CYYR1: variants seen among roughly 807,000 people sequenced by gnomAD.
CYYR1 encodes the protein cysteine and tyrosine-rich protein 1.
In CYYR1, 14 loss-of-function variants were observed where a neutral mutation model predicts 15.2. The ratio of observed to expected loss-of-function variants is 0.92; its 90% confidence interval spans 0.61 to 1.44. The LOEUF is 1.44. CYYR1 is among the 40% of genes most tolerant of loss of function. CYYR1 has a pLI of 0.00. For synonymous variants in CYYR1, 80 were observed against 77.4 expected (o/e 1.03, Z -0.18); for missense variants, 228 against 209.5 (o/e 1.09, Z -0.54).
chr21:26,545,766 G>C (rs528287383), intron 2 of CYYR1, among the ~76,000 whole-genome samples: 10 of 151,662 alleles, frequency 6.6e-5, no homozygotes, highest in African/African-American at 2.4e-4. Flanking sequence ...TATTTTTTTA[G>C]TAGAGATGGG....
intron 2 of CYYR1, among the ~76,000 whole-genome samples, chr21:26,489,284 G>A (rs1484631524): frequency 1.3e-5 from 2 of 152,142 alleles, no homozygotes; most frequent in Non-Finnish European, 2.9e-5. Context: ...TCTTGAATAT[G>A]TTGTAGATTG....
chr21:26,536,018 G>A (rs927959669), intron 2 of CYYR1, among the ~76,000 whole-genome samples: 1 of 152,188 alleles, frequency 6.6e-6, no homozygotes, highest in Non-Finnish European at 1.5e-5. Flanking sequence ...TGTACAAGAA[G>A]CATGGCTGGG....
intron 2 of CYYR1, among the ~76,000 whole-genome samples, chr21:26,501,563 A>G (rs1435001592): frequency 1.3e-5 from 2 of 152,220 alleles, no homozygotes; most frequent in South Asian, 4.1e-4. Flanking sequence ...TGGTAAACAC[A>G]AAAGACTCAG....
intron 2 of CYYR1, among the ~76,000 whole-genome samples, chr21:26,495,358 C>T (rs1185393918): frequency 6.6e-6 from 1 of 152,142 alleles, no homozygotes; most frequent in East Asian, 1.9e-4. Context: ...CAAATATCTG[C>T]GCTAGGCTCT....
At chr21:26,557,790 C>T (rs1311188807) in intron 2 of CYYR1, among the ~76,000 whole-genome samples, 1 of 151,600 alleles carries the variant, frequency 6.6e-6, no homozygotes, top group East Asian at 2.0e-4. Flanking sequence ...AACATTCCAC[C>T]ATCTGAAGCT....
At chr21:26,516,108 C>T (rs905540889) in intron 2 of CYYR1, among the ~76,000 whole-genome samples, 7 of 152,132 alleles carry the variant, frequency 4.6e-5, no homozygotes, top group Non-Finnish European at 1.0e-4. Context: ...ATCACATGTA[C>T]AGACTAGGTT....
intron 2 of CYYR1, among the ~76,000 whole-genome samples, chr21:26,496,993 A>G (rs190790079): frequency 1.3e-5 from 2 of 152,298 alleles, no homozygotes; most frequent in Admixed American, 6.5e-5. Flanking sequence ...TCTTCTGGTA[A>G]TGAAAGATAT....
chr21:26,517,775 C>T (rs183504269), intron 2 of CYYR1, among the ~76,000 whole-genome samples: 17 of 152,240 alleles, frequency 1.1e-4, no homozygotes, highest in Admixed American at 2.6e-4. Context: ...AGCCTGGTCT[C>T]GAACTCATGA....
At chr21:26,501,289 A>G (rs2065478753) in intron 2 of CYYR1, among the ~76,000 whole-genome samples, 1 of 152,212 alleles carries the variant, frequency 6.6e-6, no homozygotes, top group Non-Finnish European at 1.5e-5. Flanking sequence ...GTGAGCCGAG[A>G]TTGCACCACT....
chr21:26,547,116 G>A (rs1320830501), intron 2 of CYYR1, among the ~76,000 whole-genome samples: 1 of 152,078 alleles, frequency 6.6e-6, no homozygotes, highest in Non-Finnish European at 1.5e-5. Flanking sequence ...GAGGGGTCCA[G>A]GTTGTGCAAT....
At chr21:26,512,224 A>G (rs1197218730) in intron 2 of CYYR1, among the ~76,000 whole-genome samples, 1 of 151,684 alleles carries the variant, frequency 6.6e-6, no homozygotes, top group African/African-American at 2.4e-5. Flanking sequence ...TTTGAGACAG[A>G]GTCTCACTCT....
At chr21:26,477,713 C>T (rs913383040) in intron 3 of CYYR1, 18 of 979,342 alleles carry the variant, frequency 1.8e-5, no homozygotes, top group South Asian at 9.5e-5. Context: ...GTATCTAGAA[C>T]GTTATCTGCA....
chr21:26,568,388 G>T (rs1484486019), intron 1 of CYYR1: 1 of 152,142 alleles, frequency 6.6e-6, no homozygotes, highest in Non-Finnish European at 1.5e-5. Context: ...AATAAATGGT[G>T]TTGGATAACC....
intron 3 of CYYR1, chr21:26,477,800 G>T: frequency 2.0e-6 from 2 of 983,824 alleles, no homozygotes; most frequent in Non-Finnish European, 2.4e-6. Flanking sequence ...GTTATGGTTT[G>T]ACCAAGGGAA....
intron 2 of CYYR1, among the ~76,000 whole-genome samples, chr21:26,546,852 T>C (rs949289458): frequency 1.4e-4 from 21 of 152,086 alleles, no homozygotes; most frequent in Admixed American, 1.3e-3. Context: ...CGTCAGGAAA[T>C]AACTTGCCCA....
intron 2 of CYYR1, among the ~76,000 whole-genome samples, chr21:26,511,204 G>A (rs2065643320): frequency 1.3e-5 from 2 of 152,296 alleles, no homozygotes; most frequent in African/African-American, 4.8e-5. Flanking sequence ...ATTTTAGATT[G>A]GAGATGTTTC....
chr21:26,523,147 A>G (rs2065822820), intron 2 of CYYR1, among the ~76,000 whole-genome samples: 1 of 152,246 alleles, frequency 6.6e-6, no homozygotes, highest in African/African-American at 2.4e-5. Context: ...TTTTTGAATT[A>G]ATAACATAAT....
intron 2 of CYYR1, among the ~76,000 whole-genome samples, chr21:26,489,688 A>C (rs2065300089): frequency 6.6e-6 from 1 of 152,162 alleles, no homozygotes; most frequent in South Asian, 2.1e-4. Flanking sequence ...ACTATATGTC[A>C]AAATCTAAAT....
In CYYR1 at chr21:26,523,137, T is replaced by G. The variant is rs1055202495; in HGVS notation, c.177-42708A>C. 3.3e-5 allele frequency among the ~76,000 whole-genome samples: 5 copies of G among 152,312 alleles called. 1 individual carries two copies. On this transcript the variant is annotated intron_variant, in intron 2 of 3. Coordinates refer to ENST00000652641, the MANE Select transcript of CYYR1 (RefSeq NM_001320768.2). The stretch of plus-strand genomic sequence containing the variant: ...TAGGAAGCTGCCAAAAAAAGGCAAT[T>G]TTTTGAATTAATAACATAATATAGT...
Sources: allele counts gnomAD v4.1 joint callset (sites outside exome capture counted in the v4.1 genomes callset), GRCh38; gene constraint gnomAD v4.1.1; transcripts MANE v1.5; gene names NCBI Gene and HGNC (gene_info 2026-07-23, HGNC 2026-07-21).